CTNNA2: variants seen among roughly 807,000 people sequenced by gnomAD.
CTNNA2 encodes the protein catenin alpha 2.
In CTNNA2, 42 loss-of-function variants were observed where a neutral mutation model predicts 101.0. The ratio of observed to expected loss-of-function variants is 0.42; its 90% CI spans 0.32 to 0.54. The LOEUF (loss-of-function observed/expected upper bound fraction) is 0.54, where lower values mean the gene tolerates loss of function less well. CTNNA2 is among the 20% of genes least tolerant of loss of function. The probability of loss-of-function intolerance (pLI) is 0.14; values close to 1 mark genes in which losing one functional copy is unlikely to be tolerated. For synonymous variants in CTNNA2, 450 were observed against 456.4 expected, an observed-to-expected ratio of 0.99 and a Z score of 0.18; for missense variants, 871 against 1,223.1, an observed-to-expected ratio of 0.71 and a Z score of 4.29.
intron 7 of CTNNA2, among the ~76,000 whole-genome samples, chr2:80,212,546 C>A (rs1007926364): frequency 6.6e-6 from 1 of 151,958 alleles, no homozygotes; most frequent in Non-Finnish European, 1.5e-5. Context: ...GTTGAACCAG[C>A]CTTGCATCCC....
At chr2:80,572,924 T>C (rs926191013) in intron 12 of CTNNA2, 1 of 152,192 alleles carries the variant, frequency 6.6e-6, no homozygotes, top group African/African-American at 2.4e-5. Context: ...CCCCCTCCTT[T>C]TTTAAGTCTG....
intron 2 of CTNNA2, among the ~76,000 whole-genome samples, chr2:79,266,175 G>C (rs1674984116): frequency 6.6e-6 from 1 of 152,140 alleles, no homozygotes; most frequent in Non-Finnish European, 1.5e-5. Flanking sequence ...CAAACTGCTA[G>C]TACCTCCATT....
intron 7 of CTNNA2, among the ~76,000 whole-genome samples, chr2:79,937,445 A>T (rs1277151464): frequency 6.6e-6 from 1 of 152,228 alleles, no homozygotes. Flanking sequence ...TGCAATCTTC[A>T]GGCTATGTCT....
chr2:79,627,648 A>G (rs963797506), intron 1 of CTNNA2, among the ~76,000 whole-genome samples: 1 of 152,226 alleles, frequency 6.6e-6, no homozygotes, highest in African/African-American at 2.4e-5. Context: ...TGTTGTTGAT[A>G]TTAAAATGGA....
chr2:80,591,084 G>T (rs1405426982), intron 15 of CTNNA2, among the ~76,000 whole-genome samples: 2 of 152,058 alleles, frequency 1.3e-5, no homozygotes, highest in Non-Finnish European at 2.9e-5. Flanking sequence ...TTTTGATCAG[G>T]AGCACATTTT....
intron 6 of CTNNA2, among the ~76,000 whole-genome samples, chr2:79,890,368 T>C (rs1015689702): frequency 1.3e-5 from 2 of 152,178 alleles, no homozygotes; most frequent in Non-Finnish European, 2.9e-5. Flanking sequence ...GCAAATGCAG[T>C]TTGAAGACAG....
chr2:80,027,973 A>C (rs1425933654), intron 7 of CTNNA2: 1 of 91,536 alleles, frequency 1.1e-5, no homozygotes, highest in East Asian at 2.4e-4. Flanking sequence ...ACCCTGTCTC[A>C]AAAAAAAAAA....
intron 1 of CTNNA2, among the ~76,000 whole-genome samples, chr2:79,610,790 G>A (rs2902077): frequency 0.058 from 8,753 of 152,046 alleles, 794 homozygotes; most frequent in African/African-American, 0.19. Flanking sequence ...TCTTGTTTGC[G>A]GTTTTTTCTG....
chr2:80,582,992 T>G (rs555983011), intron 14 of CTNNA2, among the ~76,000 whole-genome samples: 2 of 152,078 alleles, frequency 1.3e-5, no homozygotes, highest in African/African-American at 4.8e-5. Flanking sequence ...CCAAAAGATA[T>G]AAACAAACAT....
At chr2:79,724,543 C>G (rs191716905) in intron 2 of CTNNA2, among the ~76,000 whole-genome samples, 2 of 151,928 alleles carry the variant, frequency 1.3e-5, no homozygotes, top group Non-Finnish European at 2.9e-5. Context: ...TGGGCTGGCG[C>G]GGTGGCTCAC....
At chr2:80,020,560 G>T (rs1694485796) in intron 7 of CTNNA2, among the ~76,000 whole-genome samples, 1 of 152,236 alleles carries the variant, frequency 6.6e-6, no homozygotes, top group East Asian at 1.9e-4. Flanking sequence ...TTAAGTGACT[G>T]ACAATATAAT....
intron 9 of CTNNA2, among the ~76,000 whole-genome samples, chr2:80,493,056 G>C (rs1687188020): frequency 6.6e-6 from 1 of 152,162 alleles, no homozygotes. Flanking sequence ...TGGATAAGTG[G>C]ATAAGTGGTC....
chr2:79,355,040 G>C (rs559787830), intron 3 of CTNNA2, among the ~76,000 whole-genome samples: 10 of 152,050 alleles, frequency 6.6e-5, no homozygotes, highest in Admixed American at 2.0e-4. Flanking sequence ...GCTGGTTGTA[G>C]GTATGTGATT....
intron 18 of CTNNA2, among the ~76,000 whole-genome samples, chr2:80,634,521 A>G (rs1409374997): frequency 3.3e-5 from 5 of 152,112 alleles, no homozygotes; most frequent in Admixed American, 3.3e-4. Context: ...CCCCATGTGA[A>G]GACCATTTTG....
chr2:79,934,660 G>A (rs1291802912), intron 7 of CTNNA2, among the ~76,000 whole-genome samples: 1 of 152,188 alleles, frequency 6.6e-6, no homozygotes, highest in African/African-American at 2.4e-5. Context: ...TGTGATGAAA[G>A]CTGTGTCCTT....
At chr2:79,919,758 G>A (rs551363944) in intron 7 of CTNNA2, among the ~76,000 whole-genome samples, 1 of 152,304 alleles carries the variant, frequency 6.6e-6, no homozygotes, top group East Asian at 1.9e-4. Flanking sequence ...CGAATGGCTT[G>A]TTCCAAAGAT....
At chr2:79,798,858 T>C (rs566991601) in intron 3 of CTNNA2, among the ~76,000 whole-genome samples, 1 of 152,302 alleles carries the variant, frequency 6.6e-6, no homozygotes, top group East Asian at 1.9e-4. Flanking sequence ...GTTTCATTTG[T>C]TTTCACTTCC....
At chr2:79,692,712 T>C (rs1228665725) in intron 2 of CTNNA2, among the ~76,000 whole-genome samples, 1 of 152,036 alleles carries the variant, frequency 6.6e-6, no homozygotes, top group Non-Finnish European at 1.5e-5. Context: ...GGTGAGTTCA[T>C]GTCCTTTGCA....
chr2:79,548,283 T>G (rs560508556), intron 1 of CTNNA2, among the ~76,000 whole-genome samples: 1 of 152,356 alleles, frequency 6.6e-6, no homozygotes, highest in Non-Finnish European at 1.5e-5. Context: ...TTTATCACTT[T>G]CACAGACTCT....
Sources: allele counts gnomAD v4.1 joint callset (sites outside exome capture counted in the v4.1 genomes callset), GRCh38; gene constraint gnomAD v4.1.1; transcripts MANE v1.5; gene names NCBI Gene and HGNC (gene_info 2026-07-23, HGNC 2026-07-21).